Variants in CATSPER4 observed in about 807,000 individuals in gnomAD.
The protein encoded by CATSPER4 is cation channel sperm associated 4.
Under a neutral mutation model 54.4 loss-of-function variants are expected in CATSPER4, and 46 were observed. The observed-to-expected ratio is 0.84, with a 90% CI of 0.67 to 1.08. The LOEUF (loss-of-function observed/expected upper bound fraction) is 1.08, where lower values mean the gene tolerates loss of function less well. Ranked by LOEUF, CATSPER4 falls within the 50% of genes least tolerant of loss-of-function variation. The pLI is 0.00. For missense variants in CATSPER4, 574 were observed against 612.8 expected (o/e 0.94, Z 0.67); for synonymous variants, 230 against 231.9 (o/e 0.99, Z 0.08).
rs750153651 is a variant in CATSPER4 at position 26,201,596 on chromosome 1, C to T, written c.1365+77C>T. On this transcript the variant is annotated intron_variant, in intron 9 of 9. Coordinates refer to ENST00000456354, the MANE Select transcript of CATSPER4 (RefSeq NM_198137.2). ...GCCCAGCCCAGCCGGGCCTCTGGAC[C>T]ATTTGTCAAAGTTTCTGTCTATTCC... The T allele has an allele frequency of 2.7e-6, 4 of 1,457,430 alleles. No homozygotes were observed. The South Asian group carries it at 4.6e-5, about 17-fold the overall frequency. The allele number at this position is 1,457,430 out of a possible 1,614,324, so 90.3% of individuals were successfully genotyped here. A position where few individuals can be genotyped will look rare whatever the true frequency, so the allele number is the denominator to read the frequency against.
intron 7 of CATSPER4, 113 bp downstream of exon 7, chr1:26,200,171 A>C: frequency 7.9e-7 from 1 of 1,273,564 alleles, no homozygotes; most frequent in Non-Finnish European, 1.1e-6. Context: ...GAGAAAGCCA[A>C]GTTGGAGGCC....
intron 4 of CATSPER4, 82 bp downstream of exon 4, chr1:26,197,865 TC>T: frequency 1.3e-6 from 2 of 1,598,998 alleles, no homozygotes; most frequent in Non-Finnish European, 1.7e-6. Flanking sequence ...CAGCTGGAGA[TC>T]AGCTTTGCCT....
chr1:26,201,018 G>A lies in CATSPER4; in HGVS notation c.1176G>A (p.Lys392=), dbSNP rs188627777. 1.7e-4 allele frequency: 268 copies of A among 1,614,076 alleles called. 1 individual carries two copies. Among genetic ancestry groups the A allele is most frequent in the Middle Eastern group, 1.2e-3 (7 of 6,062 alleles). ...TACAGGAGAACCTGAGGCAGTACAA[G>A]GAGATCCGAGATGAACTCAACATGT... ...EAIQENLRQY[K]EIRDELNMIV... is the part of the protein sequence containing the mutation. Residue 392 remains lysine (K), a synonymous_variant, in exon 8 of 10, where the codon AAG becomes AAA. Coordinates refer to ENST00000456354, the MANE Select transcript of CATSPER4 (RefSeq NM_198137.2).
chr1:26,201,281 G>A (rs2089004508), intron 8 of CATSPER4, 73 bp from the exon 9 acceptor site: 5 of 1,514,946 alleles, frequency 3.3e-6, no homozygotes, highest in Admixed American at 3.4e-5. Context: ...CGGGGGTGAC[G>A]CCAGGGAAGA....
chr1:26,201,197 T>C, intron 8 of CATSPER4, 156 bp downstream of exon 8: 1 of 956,172 alleles, frequency 1.0e-6, no homozygotes, highest in Non-Finnish European at 1.6e-6. Flanking sequence ...GAATCCAGAC[T>C]CCAGGTTCCT....
At chr1:26,191,491 C>A in intron 2 of CATSPER4, 61 bp downstream of exon 2, 1 of 1,579,212 alleles carries the variant, frequency 6.3e-7, no homozygotes, top group Non-Finnish European at 8.7e-7. Context: ...GGCAAGAACT[C>A]TTCCGGCCTC....
rs2088905896 is a variant in CATSPER4 at position 26,194,022 on chromosome 1, G to T, written c.459+134G>T. The T allele has an allele frequency of 4.2e-6, 3 of 722,430 alleles. No individual in the cohort carries two copies. The Admixed American group carries it at 5.9e-5, about 14-fold the overall frequency. The allele number at this position is 722,430 out of a possible 1,614,324, so 44.8% of individuals were successfully genotyped here. On this transcript the variant is annotated intron_variant, in intron 3 of 9. Coordinates refer to ENST00000456354, the MANE Select transcript of CATSPER4 (RefSeq NM_198137.2). ...TGTAGACAGAGTGTGTTAGTTCAGA[G>T]ATGTGTATGATGTGGCAGAAAGTAA... is the stretch of plus-strand genomic sequence containing the variant.
At chr1:26,201,568 T>TGAGCC in intron 9 of CATSPER4, 49 bp downstream of exon 9, 1 of 1,598,644 alleles carries the variant, frequency 6.3e-7, no homozygotes, top group African/African-American at 1.3e-5. Flanking sequence ...GACACTCTGC[T>TGAGCC]CAGCCCAGCC....
chr1:26,191,661 G>A (rs1315800457), intron 2 of CATSPER4, among the ~76,000 whole-genome samples: 1 of 152,228 alleles, frequency 6.6e-6, no homozygotes, highest in Non-Finnish European at 1.5e-5. Flanking sequence ...AGGGACAGGA[G>A]AAGAATGGTG....
intron 3 of CATSPER4, among the ~76,000 whole-genome samples, chr1:26,195,745 G>A (rs1481828955): frequency 1.3e-5 from 2 of 151,958 alleles, no homozygotes; most frequent in Admixed American, 6.6e-5. Flanking sequence ...CTCGTGATCC[G>A]CCCTCCTCAG....
At chr1:26,199,548 G>A (rs1167590087) in intron 6 of CATSPER4, among the ~76,000 whole-genome samples, 1 of 146,194 alleles carries the variant, frequency 6.8e-6, no homozygotes, top group African/African-American at 2.6e-5. Flanking sequence ...GCAGTGAGCC[G>A]AGATCACGCC....
At chr1:26,191,457 CA>C (rs755450072) in intron 2 of CATSPER4, 27 bp downstream of exon 2, 3 of 1,613,402 alleles carry the variant, frequency 1.9e-6, no homozygotes, top group African/African-American at 2.7e-5. Context: ...ACCTCTGCCC[CA>C]CTAACCCTAA....
At position 26,190,680 on chromosome 1, in the gene CATSPER4, T is replaced by C. The variant is rs764210384; in HGVS notation, c.53T>C (p.Leu18Pro). Reference protein sequence around the residue: ...WWQQWTSHTGLEGWGGTQEDR... With the variant: ...WWQQWTSHTGPEGWGGTQEDR... Reference sequence around the variant, plus strand: ...CAGCAATGGACCTCCCATACAGGCCTCGAGGGGTGGGGCGGGACTCAGGAG... The same window carrying C: ...CAGCAATGGACCTCCCATACAGGCCCCGAGGGGTGGGGCGGGACTCAGGAG... Residue 18 changes from leucine (L) to proline (P), a missense_variant, in exon 1 of 10, where the codon CTC becomes CCC. Physicochemically the swap from Leu to Pro is moderately conservative, Grantham distance 98. Coordinates refer to ENST00000456354, the MANE Select transcript of CATSPER4 (RefSeq NM_198137.2). The C allele has an allele frequency of 2.1e-5, 34 of 1,610,744 alleles. No individual in the cohort carries two copies. Among genetic ancestry groups the C allele is most frequent in the Non-Finnish European group, 2.8e-5 (33 of 1,179,912 alleles).
rs2088968260 is a variant in CATSPER4 at position 26,198,424 on chromosome 1, G to A, written c.812+5G>A. 1 of 1,614,100 alleles carries A rather than the reference G, an allele frequency of 6.2e-7. No individual in the cohort carries two copies. The highest frequency in any genetic ancestry group is 2.2e-5 in the East Asian group (1 of 44,884). On this transcript the variant is annotated splice_donor_5th_base_variant and intron_variant, in intron 6 of 9. Coordinates refer to ENST00000456354, the MANE Select transcript of CATSPER4 (RefSeq NM_198137.2). The stretch of plus-strand genomic sequence containing the variant: ...GGACATCTACAGTGACTTCCAGTGA[G>A]TGCCAGTGGGACTTCCAGCCTCATC...
At chr1:26,196,566 C>A (rs2088941629) in intron 3 of CATSPER4, among the ~76,000 whole-genome samples, 1 of 151,786 alleles carries the variant, frequency 6.6e-6, no homozygotes, top group Admixed American at 6.6e-5. Context: ...CATGCCAACA[C>A]CCCTGTCTAA....
At chr1:26,195,419 T>C (rs976279529) in intron 3 of CATSPER4, among the ~76,000 whole-genome samples, 10 of 152,134 alleles carry the variant, frequency 6.6e-5, no homozygotes, top group Non-Finnish European at 8.8e-5. Context: ...AGGTGAAGCA[T>C]GTGCAGATCA....
chr1:26,198,123 G>C, intron 5 of CATSPER4, 46 bp downstream of exon 5: 1 of 1,614,132 alleles, frequency 6.2e-7, no homozygotes, highest in Non-Finnish European at 8.5e-7. Context: ...CCCTGAACAG[G>C]GCCCTTGGGT....
chr1:26,194,032 A>G, intron 3 of CATSPER4, 144 bp downstream of exon 3: 1 of 712,278 alleles, frequency 1.4e-6, no homozygotes, highest in Admixed American at 2.0e-5. Context: ...GATGTGTATG[A>G]TGTGGCAGAA....
rs551550512 is a variant in CATSPER4 at position 26,200,887 on chromosome 1, G to A, written c.1045G>A (p.Ala349Thr). 1.9e-6 allele frequency: 3 copies of A among 1,614,090 alleles called. No homozygotes were observed. The South Asian group carries it at 3.3e-5, about 18-fold the overall frequency. Reference protein sequence around the residue: ...DQLPLVHCVVARSEKSGLLQE... With the variant: ...DQLPLVHCVVTRSEKSGLLQE... The stretch of plus-strand genomic sequence containing the variant: ...GCTGCCACTGGTGCATTGTGTGGTC[G>A]CCCGCTCGGAGAAATCTGGTCTCCT... The change falls in exon 8 of 10, where the codon GCC (alanine) becomes ACC (threonine). Residue 349 changes from alanine to threonine, a missense_variant. Coordinates refer to ENST00000456354, the MANE Select transcript of CATSPER4 (RefSeq NM_198137.2).
Sources: allele counts gnomAD v4.1 joint callset (sites outside exome capture counted in the v4.1 genomes callset), GRCh38; gene constraint gnomAD v4.1.1; transcripts MANE v1.5; gene names NCBI Gene and HGNC (gene_info 2026-07-23, HGNC 2026-07-21).